SCHIP1: variants seen among roughly 807,000 people sequenced by gnomAD.
The protein encoded by SCHIP1 is schwannomin-interacting protein 1.
In SCHIP1, 8 loss-of-function variants were observed where a neutral mutation model predicts 29.7. The ratio of observed to expected loss-of-function variants is 0.27; its 90% CI spans 0.16 to 0.49. The LOEUF (loss-of-function observed/expected upper bound fraction) is 0.49, where lower values mean the gene tolerates loss of function less well. Ranked by LOEUF, SCHIP1 falls within the 20% of genes least tolerant of loss-of-function variation. The pLI is 0.99. For synonymous variants in SCHIP1, 76 were observed against 94.9 expected (o/e 0.80, Z 1.16); for missense variants, 193 against 294.6 (o/e 0.66, Z 2.52).
the SCHIP1 span, among the ~76,000 whole-genome samples, chr3:159,320,269 A>G: frequency 3.3e-5 from 5 of 152,316 alleles, no homozygotes; most frequent in East Asian, 7.7e-4. Context: ...TAGTGCCCTT[A>G]TTAAAGAGGC....
chr3:159,452,196 T>C, the SCHIP1 span, among the ~76,000 whole-genome samples: 7 of 151,862 alleles, frequency 4.6e-5, no homozygotes, highest in South Asian at 2.1e-4. Flanking sequence ...GTTTGTTAAA[T>C]AGGTATACAT....
At chr3:159,713,878 G>A in the SCHIP1 span, among the ~76,000 whole-genome samples, 4 of 152,312 alleles carry the variant, frequency 2.6e-5, no homozygotes, top group Middle Eastern at 3.4e-3. Context: ...GTTCTGTATC[G>A]AGGTGTTTTA....
chr3:159,526,168 A>G, the SCHIP1 span, among the ~76,000 whole-genome samples: 3 of 152,126 alleles, frequency 2.0e-5, no homozygotes, highest in Non-Finnish European at 2.9e-5. Context: ...TTTTCCTCAA[A>G]TGACACAACC....
the SCHIP1 span, among the ~76,000 whole-genome samples, chr3:159,762,253 G>A: frequency 6.6e-6 from 1 of 152,182 alleles, no homozygotes; most frequent in Admixed American, 6.5e-5. Context: ...AAAACAGCTG[G>A]CCAGACCGGA....
At chr3:159,370,931 A>AGAT in the SCHIP1 span, among the ~76,000 whole-genome samples, 1 of 152,184 alleles carries the variant, frequency 6.6e-6, no homozygotes, top group Admixed American at 6.5e-5. Context: ...TCCAGCTTGC[A>AGAT]GATGGCATAT....
At chr3:159,840,089 GC>G in exon 1 of SCHIP1, 2 of 1,526,360 alleles carry the variant, frequency 1.3e-6, no homozygotes, top group South Asian at 2.4e-5. Flanking sequence ...CCTTACCAGG[GC>G]GTTCTCTCCG....
the SCHIP1 span, among the ~76,000 whole-genome samples, chr3:159,683,355 A>T: frequency 6.6e-6 from 1 of 152,174 alleles, no homozygotes; most frequent in Non-Finnish European, 1.5e-5. Context: ...CCGGCCCAGG[A>T]ATCTGCATTT....
chr3:159,504,730 AT>A, the SCHIP1 span, among the ~76,000 whole-genome samples: 1 of 151,876 alleles, frequency 6.6e-6, no homozygotes, highest in Non-Finnish European at 1.5e-5. Flanking sequence ...ATTTTCAACA[AT>A]TTTTTTTACT....
At chr3:159,552,194 C>T in the SCHIP1 span, among the ~76,000 whole-genome samples, 5 of 151,896 alleles carry the variant, frequency 3.3e-5, no homozygotes, top group African/African-American at 9.7e-5. Context: ...TACAGGTGCA[C>T]GCCACCACGT....
chr3:159,383,217 C>A, the SCHIP1 span, among the ~76,000 whole-genome samples: 9 of 151,186 alleles, frequency 6.0e-5, 1 homozygote, highest in Middle Eastern at 3.2e-3. Context: ...CCTAGGTTTT[C>A]TTCTAGGGTT....
At chr3:159,626,126 A>ATAGATAGATAGG in the SCHIP1 span, among the ~76,000 whole-genome samples, 15 of 123,698 alleles carry the variant, frequency 1.2e-4, no homozygotes, top group Non-Finnish European at 2.0e-4. Flanking sequence ...AGATAGATAG[A>ATAGATAGATAGG]TAGATAGATA....
the SCHIP1 span, among the ~76,000 whole-genome samples, chr3:159,794,636 T>C: frequency 6.6e-6 from 1 of 152,200 alleles, no homozygotes; most frequent in African/African-American, 2.4e-5. Context: ...TTCAACATAA[T>C]TGGTTTTCTT....
chr3:159,682,138 C>T, the SCHIP1 span, among the ~76,000 whole-genome samples: 363 of 152,290 alleles, frequency 2.4e-3, 1 homozygote, highest in Non-Finnish European at 4.4e-3. Context: ...TCTTACTTAT[C>T]TTTTATTACT....
At chr3:159,365,202 G>A in the SCHIP1 span, among the ~76,000 whole-genome samples, 19 of 152,278 alleles carry the variant, frequency 1.2e-4, no homozygotes, top group Non-Finnish European at 2.2e-4. Flanking sequence ...CTCCTGATAT[G>A]AAGTATAGTA....
At chr3:159,793,301 A>G in the SCHIP1 span, among the ~76,000 whole-genome samples, 4 of 152,048 alleles carry the variant, frequency 2.6e-5, no homozygotes, top group African/African-American at 4.8e-5. Flanking sequence ...TTAACATGCA[A>G]TCAGGATTGA....
the SCHIP1 span, among the ~76,000 whole-genome samples, chr3:159,492,932 T>G: frequency 5.3e-5 from 8 of 152,154 alleles, no homozygotes; most frequent in South Asian, 2.1e-4. Context: ...CCAGAAGAGA[T>G]GGGGGACCAA....
the SCHIP1 span, among the ~76,000 whole-genome samples, chr3:159,704,807 T>C: frequency 6.6e-6 from 1 of 152,042 alleles, no homozygotes; most frequent in African/African-American, 2.4e-5. Context: ...AATAATACAA[T>C]ATTTTCTTTC....
the SCHIP1 span, among the ~76,000 whole-genome samples, chr3:159,390,848 C>G: frequency 6.6e-6 from 1 of 151,998 alleles, no homozygotes; most frequent in Admixed American, 6.6e-5. Context: ...TAAGCAATGC[C>G]TCAGGGAGAG....
At chr3:159,293,842 A>T in the SCHIP1 span, among the ~76,000 whole-genome samples, 1 of 152,182 alleles carries the variant, frequency 6.6e-6, no homozygotes, top group Non-Finnish European at 1.5e-5. Flanking sequence ...CAGAGCACAC[A>T]CAACTTCTTT....
Sources: allele counts gnomAD v4.1 joint callset (sites outside exome capture counted in the v4.1 genomes callset), GRCh38; gene constraint gnomAD v4.1.1; transcripts MANE v1.5; gene names NCBI Gene and HGNC (gene_info 2026-07-23, HGNC 2026-07-21).